TRRAP: variants seen among roughly 807,000 people sequenced by gnomAD.
The protein encoded by TRRAP is transformation/transcription domain-associated protein.
Under a neutral mutation model 438.8 loss-of-function variants are expected in TRRAP, and 41 were observed. That is an observed-to-expected ratio of 0.09 (90% confidence interval 0.07 to 0.12). The LOEUF (loss-of-function observed/expected upper bound fraction) is 0.12. Ranked by LOEUF, TRRAP falls within the 10% of genes least tolerant of loss-of-function variation. TRRAP has a pLI of 1.00. For missense variants in TRRAP, 3,122 were observed against 5,055.1 expected, an observed-to-expected ratio of 0.62 and a Z score of 11.60; for synonymous variants, 1,994 against 1,962.9, an observed-to-expected ratio of 1.02 and a Z score of -0.42.
chr7:98,899,735 C>A lies in TRRAP; in HGVS notation c.768C>A (p.Asn256Lys). The change falls in exon 10 of 73, where the codon AAC (asparagine) becomes AAA (lysine). Residue 256 changes from asparagine (N) to lysine (K), a missense_variant. Coordinates refer to ENST00000456197, the MANE Select transcript of TRRAP (RefSeq NM_001375524.1). The part of the protein sequence containing the change: ...VVAEFVPLIM[N>K]TIAIQVSAQA... Reference sequence around the variant, plus strand: ...CTGAGTTTGTGCCCTTGATCATGAACACCATTGCCATTCAGGTGTCTGCAC... The same window carrying A: ...CTGAGTTTGTGCCCTTGATCATGAAAACCATTGCCATTCAGGTGTCTGCAC... 1 of 1,614,188 alleles carries A rather than the reference C, an allele frequency of 6.2e-7. No homozygotes were observed. Among genetic ancestry groups the A allele is most frequent in the Non-Finnish European group, 8.5e-7 (1 of 1,180,034 alleles).
intron 62 of TRRAP, among the ~76,000 whole-genome samples, chr7:98,986,159 T>G (rs557368495): frequency 3.7e-4 from 55 of 147,220 alleles, no homozygotes; most frequent in African/African-American, 1.5e-3. Context: ...TTCCATTGGA[T>G]ATCCATACAT....
chr7:99,011,421 C>T lies in TRRAP; in HGVS notation c.11223C>T (p.Val3741=). Reference sequence around the variant, plus strand: ...GAGACCTGGATGCCAACCGTCCTGTCCCATTTCGACTCACGCCCAACATTT... The same window carrying T: ...GAGACCTGGATGCCAACCGTCCTGTTCCATTTCGACTCACGCCCAACATTT... ...ATGDLDANRP[V]PFRLTPNISE... The change falls in exon 72 of 73, where the codon GTC becomes GTT. Residue 3741 remains valine (V), a synonymous_variant. Transcript: ENST00000456197. This position sits in a 1 kb window ranked among gnomAD's most constrained non-coding sequence, Gnocchi z 7.1. The T allele has an allele frequency of 6.2e-7, 1 of 1,614,262 alleles. No individual in the cohort carries two copies. Among genetic ancestry groups the T allele is most frequent in the South Asian group, 1.1e-5 (1 of 91,090 alleles).
In TRRAP at chr7:98,906,191, A is replaced by G. The variant is rs1208748237; in HGVS notation, c.1051A>G (p.Met351Val). 5 of 1,613,772 alleles carry G rather than the reference A, an allele frequency of 3.1e-6. No individual in the cohort carries two copies. The highest frequency in any genetic ancestry group is 3.3e-4 in the Middle Eastern group (2 of 6,080). ...TELRNQFIPC[M>V]DKLFDESILI... is the part of the protein sequence containing the mutation. ...TTGTCTTCTAGAGTTCATTCCTTGCATGGACAAGCTGTTTGATGAATCCAT... is the reference window on the plus strand; with the variant it reads ...TTGTCTTCTAGAGTTCATTCCTTGCGTGGACAAGCTGTTTGATGAATCCAT... The change falls in exon 13 of 73, where the codon ATG becomes GTG. Residue 351 changes from methionine to valine, a missense_variant. Physicochemically the swap from Met to Val is conservative, Grantham distance 21. This residue lies in a region of TRRAP where 343 missense variants were observed against 564.0 expected (regional missense o/e 0.61). Coordinates refer to ENST00000456197, the MANE Select transcript of TRRAP (RefSeq NM_001375524.1).
At chr7:98,934,284 T>C (rs1554413742) in intron 27 of TRRAP, among the ~76,000 whole-genome samples, 1 of 152,198 alleles carries the variant, frequency 6.6e-6, no homozygotes, top group African/African-American at 2.4e-5. Flanking sequence ...AGAAAGCAAA[T>C]TCTTCCAGGT....
intron 62 of TRRAP, among the ~76,000 whole-genome samples, chr7:98,988,426 G>A (rs1793246048): frequency 6.6e-6 from 1 of 152,216 alleles, no homozygotes; most frequent in Non-Finnish European, 1.5e-5. Context: ...TTATTCACTT[G>A]TTAAAGAGAA....
In TRRAP at chr7:98,917,685, A is replaced by G; in HGVS notation, c.2622+6A>G. ...TGCGCGCAGAGCTCATGCAGGTAGG[A>G]TTTTAGTGAGGTTGTTAGCTGGCTG... On this transcript the variant is annotated splice_donor_region_variant and intron_variant, in intron 20 of 72. Coordinates refer to ENST00000456197, the MANE Select transcript of TRRAP (RefSeq NM_001375524.1). 6.2e-7 allele frequency: 1 copy of G among 1,610,996 alleles called. No individual in the cohort carries two copies. The highest frequency in any genetic ancestry group is 8.5e-7 in the Non-Finnish European group (1 of 1,177,500).
chr7:98,952,009 A>G (rs978753130), intron 39 of TRRAP, among the ~76,000 whole-genome samples: 3 of 152,198 alleles, frequency 2.0e-5, no homozygotes, highest in Admixed American at 6.5e-5. Context: ...GAGGCTGTGG[A>G]TGCAGGTGTG....
chr7:98,949,231 T>A (rs547100612), intron 35 of TRRAP, among the ~76,000 whole-genome samples, 186 bp from the exon 36 acceptor site: 1 of 152,070 alleles, frequency 6.6e-6, no homozygotes, highest in African/African-American at 2.4e-5. Flanking sequence ...AGACTCTGTC[T>A]CTTTTTAAAA....
At chr7:98,979,088 A>G (rs1792794102) in intron 58 of TRRAP, among the ~76,000 whole-genome samples, 184 bp downstream of exon 58, 1 of 152,262 alleles carries the variant, frequency 6.6e-6, no homozygotes, top group African/African-American at 2.4e-5. Flanking sequence ...CTTTTACAAA[A>G]TGAGAAATTG....
At position 98,963,492 on chromosome 7, in the gene TRRAP, C is replaced by T. The variant is rs941069431; in HGVS notation, c.6829+1065C>T. 2.0e-5 allele frequency among the ~76,000 whole-genome samples: 3 copies of T among 152,274 alleles called. No individual in the cohort carries two copies. In the East Asian group the frequency reaches 5.8e-4, roughly 29 times the overall value. ...CCCTCCTCTGTGGGGTGTCGAAGGC[C>T]GGGGCAGCCTCGGGGTGAGGTGGGC... On this transcript the variant is annotated intron_variant, in intron 47 of 72. Transcript: ENST00000456197.
intron 64 of TRRAP, 39 bp from the exon 65 acceptor site, chr7:98,992,098 A>G: frequency 6.3e-7 from 1 of 1,596,976 alleles, no homozygotes; most frequent in East Asian, 2.2e-5. Context: ...AGAGCTCAGC[A>G]GAGAGCAGCA....
rs782052492 is a variant in TRRAP at position 98,910,207 on chromosome 7, C to A, written c.1502C>A (p.Ala501Asp). ...GCTCCTGGCCCTGCTCCCTCCCCAG[C>A]CCCTGTCCCTGCCCCACCTCCACCC... is the stretch of plus-strand genomic sequence containing the variant. ...PAAPGPAPSP[A>D]PVPAPPPPPP... Residue 501 changes from alanine (A) to aspartate (D), a missense_variant, in exon 15 of 73, where the codon GCC (alanine) becomes GAC (aspartate). Transcript: ENST00000456197. 1 of 1,583,382 alleles carries A rather than the reference C, an allele frequency of 6.3e-7. No homozygotes were observed. The highest frequency in any genetic ancestry group is 8.6e-7 in the Non-Finnish European group (1 of 1,167,990).
intron 59 of TRRAP, among the ~76,000 whole-genome samples, chr7:98,982,532 A>T (rs1026875320): frequency 1.3e-5 from 2 of 152,226 alleles, no homozygotes; most frequent in African/African-American, 4.8e-5. Flanking sequence ...TTACATTTGG[A>T]GGGAGACTGT....
chr7:99,008,970 T>C (rs1020047038), intron 70 of TRRAP, among the ~76,000 whole-genome samples: 2 of 152,186 alleles, frequency 1.3e-5, no homozygotes, highest in African/African-American at 4.8e-5. Context: ...GGTCTGCTGC[T>C]GGAGGTGTTA....
chr7:98,964,819 ACAGAGAACAGACTCTGTTGTG>A, intron 48 of TRRAP, 44 bp downstream of exon 48: 2 of 1,582,362 alleles, frequency 1.3e-6, no homozygotes, highest in Non-Finnish European at 1.7e-6. Context: ...ACTCTGTTGA[ACAGAGAACAGACTCTGTTGTG>A]CAGGCTGGGG....
In TRRAP at chr7:98,948,626, G is replaced by A; in HGVS notation, c.4729G>A (p.Val1577Met). ...CCTGACTCGACATCCCTCGCAGACA[G>A]TGGAGCTGTTCATGATGGAAGCCAC... ...KFLTRHPSQTVELFMMEATLN... is the reference protein window; with the variant it reads ...KFLTRHPSQTMELFMMEATLN... The change falls in exon 35 of 73, where the codon GTG becomes ATG. Residue 1577 changes from valine to methionine, a missense_variant. By Grantham distance (21) the Val-to-Met change is conservative. Transcript: ENST00000456197. The surrounding 1 kb of genome is among the most constrained non-coding windows in gnomAD (Gnocchi z 4.9). The A allele has an allele frequency of 6.2e-7, 1 of 1,614,206 alleles. No homozygotes were observed. The highest frequency in any genetic ancestry group is 8.5e-7 in the Non-Finnish European group (1 of 1,180,042).
At chr7:98,933,461 T>C in intron 27 of TRRAP, 59 bp downstream of exon 27, 2 of 1,553,908 alleles carry the variant, frequency 1.3e-6, no homozygotes, top group South Asian at 2.4e-5. Context: ...TGCTAGCCTG[T>C]CTTTGTACGC....
chr7:98,916,224 G>C (rs1254327195), intron 19 of TRRAP, among the ~76,000 whole-genome samples: 1 of 152,190 alleles, frequency 6.6e-6, no homozygotes, highest in Non-Finnish European at 1.5e-5. Context: ...AGTAAGATCA[G>C]AGATCCCTAG....
chr7:98,911,308 C>G (rs1789254619), intron 17 of TRRAP, 37 bp downstream of exon 17: 1 of 1,525,562 alleles, frequency 6.6e-7, no homozygotes, highest in Non-Finnish European at 8.9e-7. Context: ...TTGAACATTA[C>G]AATTCTTTGT....
Sources: allele counts gnomAD v4.1 joint callset (sites outside exome capture counted in the v4.1 genomes callset), GRCh38; gene constraint gnomAD v4.1.1; regional missense constraint gnomAD v4.1.1; non-coding constraint Gnocchi (gnomAD v3.1); transcripts MANE v1.5; gene names NCBI Gene and HGNC (gene_info 2026-07-23, HGNC 2026-07-21).